The following TBC1D8B variants were observed in gnomAD, a reference collection of about 807,000 sequenced individuals.
The protein encoded by TBC1D8B is TBC1 domain family member 8B.
A neutral mutation model predicts 82.9 loss-of-function variants in TBC1D8B; 75 were observed. That is an observed-to-expected ratio of 0.90 (90% CI 0.75 to 1.10). The LOEUF (loss-of-function observed/expected upper bound fraction) is 1.10. Among genes scored for constraint, TBC1D8B ranks in the 50% least tolerant of loss-of-function variants. The pLI is 0.00. For synonymous variants in TBC1D8B, 276 were observed against 276.8 expected, an observed-to-expected ratio of 1.00 and a Z score of 0.03; for missense variants, 794 against 796.9, an observed-to-expected ratio of 1.00 and a Z score of 0.04.
intron 1 of TBC1D8B, among the ~76,000 whole-genome samples, chrX:106,805,457 A>G (rs1039432442): frequency 2.7e-5 from 3 of 110,692 alleles, no homozygotes; most frequent in African/African-American, 9.9e-5. Context: ...CACTCCATTT[A>G]CTAGTCCCCA....
chrX:106,822,874 C>T (rs1375511699), intron 4 of TBC1D8B, among the ~76,000 whole-genome samples: 4 of 108,862 alleles, frequency 3.7e-5, no homozygotes, highest in Non-Finnish European at 7.6e-5. Context: ...GGCATGGTGG[C>T]ACATGCCTGT....
chrX:106,807,505 T>G (rs1001683207), intron 1 of TBC1D8B, among the ~76,000 whole-genome samples: 20 of 104,082 alleles, frequency 1.9e-4, no homozygotes, highest in African/African-American at 7.2e-4. Flanking sequence ...ACTGCATACC[T>G]AAGTAGAAAA....
At chrX:106,844,590 A>G (rs1259677241) in intron 10 of TBC1D8B, among the ~76,000 whole-genome samples, 1 of 108,041 alleles carries the variant, frequency 9.3e-6, no homozygotes, top group Non-Finnish European at 1.9e-5. Context: ...CTTTCCCAGA[A>G]TAAATCCCAC....
In TBC1D8B at chrX:106,805,580, A is replaced by G. The variant is rs1459071007; in HGVS notation, c.130+2597A>G. On this transcript the variant is annotated intron_variant, in intron 1 of 20. Coordinates refer to ENST00000357242, the MANE Select transcript of TBC1D8B (RefSeq NM_017752.3). ...TTTAGTGGTCAGTTTATAACTCTTCATGATTATTTTATCTGTGGTATTGAC... is the reference window on the plus strand; with the variant it reads ...TTTAGTGGTCAGTTTATAACTCTTCGTGATTATTTTATCTGTGGTATTGAC... Among the ~76,000 whole-genome samples the G allele has an allele frequency of 2.7e-5, 3 of 112,351 alleles. No individual in the cohort carries two copies. In the East Asian group the frequency reaches 8.4e-4, roughly 31 times the overall value.
chrX:106,823,593 G>GGT, intron 5 of TBC1D8B, 127 bp downstream of exon 5: 5 of 705,151 alleles, frequency 7.1e-6, no homozygotes, highest in Non-Finnish European at 8.0e-6. Flanking sequence ...GTTGATTGTG[G>GGT]GTGTGTGTGT....
chrX:106,849,171 T>G, intron 11 of TBC1D8B: 1 of 947,032 alleles, frequency 1.1e-6, no homozygotes, highest in Non-Finnish European at 1.4e-6. Context: ...GCTTTCAGGA[T>G]TGTGGTTAGG....
At chrX:106,821,017 T>C in intron 3 of TBC1D8B, 22 bp downstream of exon 3, 1 of 971,725 alleles carries the variant, frequency 1.0e-6, no homozygotes, top group South Asian at 2.5e-5. Context: ...GGATATATCT[T>C]GTAGATGGAG....
chrX:106,811,835 T>C (rs768630605), intron 1 of TBC1D8B, among the ~76,000 whole-genome samples: 1 of 111,817 alleles, frequency 8.9e-6, no homozygotes, highest in Admixed American at 9.5e-5. Context: ...TATTTTCCTG[T>C]GTCTCTATCT....
At chrX:106,862,783 T>G (rs1264923923) in intron 14 of TBC1D8B, among the ~76,000 whole-genome samples, 25 of 94,493 alleles carry the variant, frequency 2.6e-4, no homozygotes, top group East Asian at 6.5e-4. Flanking sequence ...TTTGTTTTTT[T>G]TTTTTTTTTT....
chrX:106,840,362 C>T (rs1001060421), intron 9 of TBC1D8B, among the ~76,000 whole-genome samples, 164 bp downstream of exon 9: 2 of 111,598 alleles, frequency 1.8e-5, no homozygotes, highest in African/African-American at 6.5e-5. Flanking sequence ...GTTATCTATA[C>T]CTTACCTATC....
At chrX:106,849,853 G>A in intron 11 of TBC1D8B, 172 bp from the exon 12 acceptor site, 2 of 1,042,693 alleles carry the variant, frequency 1.9e-6, no homozygotes, top group Non-Finnish European at 1.2e-6. Context: ...TGTTTCTGAA[G>A]TACATGACAC....
At chrX:106,863,800 C>T (rs940004301) in intron 14 of TBC1D8B, among the ~76,000 whole-genome samples, 1 of 111,832 alleles carries the variant, frequency 8.9e-6, no homozygotes, top group Non-Finnish European at 1.9e-5. Context: ...GATGTTGCAG[C>T]CACTGGCTAA....
chrX:106,841,447 A>G (rs1932305346), intron 10 of TBC1D8B, among the ~76,000 whole-genome samples: 1 of 111,520 alleles, frequency 9.0e-6, no homozygotes, highest in Non-Finnish European at 1.9e-5. Context: ...TAAAGTATGT[A>G]TAGGACCATG....
At chrX:106,867,862 T>G (rs1475600917) in intron 17 of TBC1D8B, among the ~76,000 whole-genome samples, 1 of 111,153 alleles carries the variant, frequency 9.0e-6, no homozygotes, top group Non-Finnish European at 1.9e-5. Context: ...ACCTAAAAAT[T>G]TAATTATAAA....
At chrX:106,853,703 A>G in intron 13 of TBC1D8B, 53 bp downstream of exon 13, 1 of 1,074,507 alleles carries the variant, frequency 9.3e-7, no homozygotes. Context: ...AAATGATTGA[A>G]CTATGGTCTA....
At chrX:106,823,573 T>A (rs1224890343) in intron 5 of TBC1D8B, 107 bp downstream of exon 5, 8 of 919,897 alleles carry the variant, frequency 8.7e-6, no homozygotes, top group Non-Finnish European at 1.2e-5. Flanking sequence ...ATGATAGGGT[T>A]TTTTTTGGAG....
At chrX:106,863,060 CG>C (rs1382402445) in intron 14 of TBC1D8B, among the ~76,000 whole-genome samples, 1 of 110,972 alleles carries the variant, frequency 9.0e-6, no homozygotes, top group African/African-American at 3.3e-5. Context: ...AACACTTAGT[CG>C]GGGTGGTGGC....
At chrX:106,854,796 G>A (rs185255255) in intron 14 of TBC1D8B, among the ~76,000 whole-genome samples, 2 of 111,410 alleles carry the variant, frequency 1.8e-5, no homozygotes, top group South Asian at 3.8e-4. Context: ...GATTACAGGC[G>A]TGAGCTACCA....
At chrX:106,803,943 C>T (rs1931112616) in intron 1 of TBC1D8B, among the ~76,000 whole-genome samples, 2 of 111,257 alleles carry the variant, frequency 1.8e-5, no homozygotes, top group Non-Finnish European at 3.8e-5. Context: ...GGAAGAGTCC[C>T]GAAAACCTGC....
Sources: allele counts gnomAD v4.1 joint callset (sites outside exome capture counted in the v4.1 genomes callset), GRCh38; gene constraint gnomAD v4.1.1; transcripts MANE v1.5; gene names NCBI Gene and HGNC (gene_info 2026-07-23, HGNC 2026-07-21).